Variants in CDH4 observed in about 807,000 individuals in gnomAD.
CDH4 encodes the protein cadherin-4.
Under a neutral mutation model 86.0 loss-of-function variants are expected in CDH4, and 33 were observed. That is an observed-to-expected ratio of 0.38 (90% CI 0.29 to 0.51). The LOEUF is 0.51. CDH4 is among the 20% of genes least tolerant of loss of function. CDH4 has a pLI of 0.86. For synonymous variants in CDH4, 555 were observed against 549.4 expected (o/e 1.01, Z -0.14); for missense variants, 1,114 against 1,307.4 (o/e 0.85, Z 2.28).
intron 2 of CDH4, among the ~76,000 whole-genome samples, chr20:61,345,391 G>A (rs6015953): frequency 0.2 from 30,180 of 152,186 alleles, 2,999 homozygotes; most frequent in Middle Eastern, 0.35. Context: ...AGCAGTGTTC[G>A]TTCTTGTAAT....
intron 2 of CDH4, among the ~76,000 whole-genome samples, chr20:61,433,194 C>G (rs905158672): frequency 1.3e-5 from 2 of 152,144 alleles, no homozygotes; most frequent in Non-Finnish European, 2.9e-5. Flanking sequence ...CAATGTTCTT[C>G]TGTTTTTTAA....
chr20:61,743,513 G>A lies in CDH4; in HGVS notation c.170-50G>A, dbSNP rs373028236. 7.0e-5 allele frequency: 100 copies of A among 1,435,228 alleles called. 1 individual carries two copies. Among genetic ancestry groups the A allele is most frequent in the Non-Finnish European group, 8.6e-5 (90 of 1,041,966 alleles). The allele number at this position is 1,435,228 out of a possible 1,614,324, so 88.9% of individuals were successfully genotyped here. A position where few individuals can be genotyped will look rare whatever the true frequency, so the allele number is the denominator to read the frequency against. ...CTGCGTGGTTGCTGCCATTGTTACC[G>A]CCCTTCTGCTGGCCAAGCCGACCCT... is the stretch of plus-strand genomic sequence containing the variant. On this transcript the variant is annotated intron_variant, in intron 2 of 15. Coordinates refer to ENST00000614565, the MANE Select transcript of CDH4 (RefSeq NM_001794.5).
rs10641053 is a variant in CDH4, at chr20:61,602,694, TAAAAAAAAAAA to T, written c.170-140853_170-140843del. 1.6e-4 allele frequency among the ~76,000 whole-genome samples: 14 copies of T among 89,128 alleles called. No homozygotes were observed. In the East Asian group the frequency reaches 1.8e-3, roughly 11 times the overall value. 58.5% of individuals were successfully genotyped at this position (89,128 alleles called of 152,430 possible). A position where few individuals can be genotyped will look rare whatever the true frequency, so the allele number is the denominator to read the frequency against. On this transcript the variant is annotated intron_variant, in intron 2 of 15. Coordinates refer to ENST00000614565, the MANE Select transcript of CDH4 (RefSeq NM_001794.5). ...TGCTGGGTTTATACATTCACTTTAT[TAAAAAAAAAAA>T]AAAAAAAAAAAAAAACTTGAGCACC... is the stretch of plus-strand genomic sequence containing the variant.
chr20:61,928,309 A>G lies in CDH4; in HGVS notation c.1891A>G (p.Ile631Val), dbSNP rs1421578776. The G allele has an allele frequency of 6.2e-7, 1 of 1,610,978 alleles. No individual in the cohort carries two copies. Among genetic ancestry groups the G allele is most frequent in the Admixed American group, 1.7e-5 (1 of 60,030 alleles). Residue 631 changes from isoleucine to valine, a missense_variant, in exon 12 of 16, where the codon ATC (isoleucine) becomes GTC (valine). Physicochemically the swap from Ile to Val is conservative, Grantham distance 29 (BLOSUM62 3). This residue lies in a region of CDH4 where 705 missense variants were observed against 914.1 expected (regional missense o/e 0.77). Coordinates refer to ENST00000614565, the MANE Select transcript of CDH4 (RefSeq NM_001794.5). ...QICEKPNLNAINITAADADVD... is the reference protein window; with the variant it reads ...QICEKPNLNAVNITAADADVD... ...CTGCGAGAAGCCCAACCTGAACGCC[A>G]TCAACATCACGGCGGCCGACGCTGA...
chr20:61,548,870 T>G (rs2086107614), intron 2 of CDH4, among the ~76,000 whole-genome samples: 1 of 152,050 alleles, frequency 6.6e-6, no homozygotes, highest in African/African-American at 2.4e-5. Context: ...CAAAAACTAG[T>G]GAGAAAAGAT....
At chr20:61,862,585 C>A (rs1410919810) in intron 6 of CDH4, among the ~76,000 whole-genome samples, 3 of 152,204 alleles carry the variant, frequency 2.0e-5, no homozygotes, top group Non-Finnish European at 2.9e-5. Flanking sequence ...GTCCCCTGGA[C>A]CCCTCGCTCC....
At chr20:61,328,464 C>T (rs901621415) in intron 2 of CDH4, among the ~76,000 whole-genome samples, 4 of 152,176 alleles carry the variant, frequency 2.6e-5, no homozygotes, top group Admixed American at 6.5e-5. Context: ...CGTGAGCCAC[C>T]GCGCCCGGCC....
At chr20:61,424,454 C>G (rs1375163002) in intron 2 of CDH4, among the ~76,000 whole-genome samples, 1 of 152,050 alleles carries the variant, frequency 6.6e-6, no homozygotes, top group East Asian at 1.9e-4. Flanking sequence ...CCCCATACAG[C>G]ACACATGTAT....
chr20:61,725,093 C>CA (rs1401654045), intron 2 of CDH4, among the ~76,000 whole-genome samples: 2 of 152,176 alleles, frequency 1.3e-5, no homozygotes, highest in African/African-American at 4.8e-5. Flanking sequence ...GCCTGGGCGA[C>CA]AGAGTGAGAC....
chr20:61,743,536 C>T (rs1386502609), intron 2 of CDH4, 27 bp from the exon 3 acceptor site: 17 of 1,541,660 alleles, frequency 1.1e-5, no homozygotes, highest in Non-Finnish European at 1.4e-5. Context: ...CCAAGCCGAC[C>T]CTGACTCTCT....
At chr20:61,321,803 C>A (rs975646465) in intron 2 of CDH4, among the ~76,000 whole-genome samples, 1 of 152,184 alleles carries the variant, frequency 6.6e-6, no homozygotes, top group African/African-American at 2.4e-5. Flanking sequence ...TAACAGGTGA[C>A]AGCACTGAGC....
At chr20:61,831,033 G>A (rs79982241) in intron 4 of CDH4, among the ~76,000 whole-genome samples, 130 of 152,256 alleles carry the variant, frequency 8.5e-4, no homozygotes, top group African/African-American at 3.0e-3. Context: ...AAGAGGGCCG[G>A]GGTCTCGCCC....
intron 11 of CDH4, among the ~76,000 whole-genome samples, chr20:61,927,905 T>G (rs1204933431): frequency 1.3e-5 from 2 of 151,222 alleles, no homozygotes; most frequent in African/African-American, 4.9e-5. Flanking sequence ...CAGCTGCGGG[T>G]GTGGGTGTGG....
In CDH4 at chr20:61,274,545, T is replaced by C. The variant is rs568509229; in HGVS notation, c.169+19608T>C. 2.0e-4 allele frequency among the ~76,000 whole-genome samples: 30 copies of C among 146,954 alleles called. No individual in the cohort carries two copies. In the South Asian group the frequency reaches 5.9e-3, roughly 29 times the overall value. Reference sequence around the variant, plus strand: ...CCATGTGCAGTTTGGGGGAATACCATGTGCAACTTGGGGGAGTACCGTGCA... The same window carrying C: ...CCATGTGCAGTTTGGGGGAATACCACGTGCAACTTGGGGGAGTACCGTGCA... On this transcript the variant is annotated intron_variant, in intron 2 of 15. Transcript: ENST00000614565.
intron 4 of CDH4, among the ~76,000 whole-genome samples, chr20:61,824,611 T>C (rs1450267837): frequency 1.3e-5 from 2 of 152,196 alleles, no homozygotes; most frequent in Non-Finnish European, 2.9e-5. Context: ...TATTTGGAAT[T>C]AACCAGCATG....
At chr20:61,776,137 G>A (rs955233817) in intron 4 of CDH4, among the ~76,000 whole-genome samples, 6 of 152,136 alleles carry the variant, frequency 3.9e-5, no homozygotes, top group African/African-American at 1.4e-4. Flanking sequence ...TGATGAGAAC[G>A]TTTCTCCGGA....
At chr20:61,648,039 G>A (rs1371818625) in intron 2 of CDH4, among the ~76,000 whole-genome samples, 1 of 152,146 alleles carries the variant, frequency 6.6e-6, no homozygotes, top group Non-Finnish European at 1.5e-5. Context: ...TCCCAATTAG[G>A]GGCACGACTC....
At chr20:61,643,652 A>T (rs1255031340) in intron 2 of CDH4, among the ~76,000 whole-genome samples, 1 of 151,968 alleles carries the variant, frequency 6.6e-6, no homozygotes, top group African/African-American at 2.4e-5. Context: ...AGACCTCAGG[A>T]CTCCACCAGC....
chr20:61,905,999 G>A (rs974719903), intron 8 of CDH4, among the ~76,000 whole-genome samples: 4 of 152,154 alleles, frequency 2.6e-5, no homozygotes, highest in African/African-American at 4.8e-5. Context: ...TCCTCCAGCC[G>A]GCTTTGTTCT....
Sources: gnomAD v4.1 joint callset for allele counts (sites outside exome capture counted in the v4.1 genomes callset) on GRCh38, gnomAD v4.1.1 for gene constraint, gnomAD v4.1.1 regional missense constraint, MANE v1.5 for transcripts, NCBI Gene and HGNC (gene_info 2026-07-23, HGNC 2026-07-21) for gene names.